ANGPT2: variants seen among roughly 807,000 people sequenced by gnomAD.
The protein encoded by ANGPT2 is angiopoietin-2.
A neutral mutation model predicts 62.9 loss-of-function variants in ANGPT2; 28 were observed. The ratio of observed to expected loss-of-function variants is 0.44; its 90% CI spans 0.33 to 0.61. The LOEUF (loss-of-function observed/expected upper bound fraction) is 0.61. ANGPT2 is among the 20% of genes least tolerant of loss of function. The pLI, the probability that ANGPT2 is intolerant of heterozygous loss-of-function variation, is 0.03. For missense variants in ANGPT2, 727 were observed against 594.9 expected (o/e 1.22, Z -2.31); for synonymous variants, 284 against 207.8 (o/e 1.37, Z -3.15).
intron 7 of ANGPT2, among the ~76,000 whole-genome samples, chr8:6,512,461 A>G (rs952253468): frequency 6.6e-6 from 1 of 152,124 alleles, no homozygotes; most frequent in Admixed American, 6.5e-5. Flanking sequence ...GTTGACCTTC[A>G]TTTGCTAATT....
rs144460738 is a variant in ANGPT2, at chr8:6,542,070, G to C, written c.289-9583C>G. 4.6e-3 allele frequency among the ~76,000 whole-genome samples: 695 copies of C among 151,484 alleles called. 6 individuals are homozygous for C. Among genetic ancestry groups the C allele is most frequent in the South Asian group, 0.027 (129 of 4,774 alleles). ...TACAAATAGAAGCAGTTAAAATTTAGCTCTAGGAATGAGATTGATGCATTT... is the reference window on the plus strand; with the variant it reads ...TACAAATAGAAGCAGTTAAAATTTACCTCTAGGAATGAGATTGATGCATTT... On this transcript the variant is annotated intron_variant, in intron 1 of 8. Coordinates refer to ENST00000629816, the MANE Select transcript of ANGPT2 (RefSeq NM_001118887.2).
In ANGPT2 at chr8:6,500,079, C is replaced by G. The variant is rs1187893598; in HGVS notation, c.*3022G>C. On this transcript the variant is annotated 3_prime_UTR_variant, in exon 9 of 9. Transcript: ENST00000629816. ...ATTCACAGAACTTAACACCTTTTAT[C>G]AATTTATTCGCGAGAACAAATGTGA... 1 of 701,508 alleles carries G rather than the reference C, an allele frequency of 1.4e-6. No homozygotes were observed. The highest frequency in any genetic ancestry group is 1.8e-5 in the African/African-American group (1 of 56,732). The allele number at this position is 701,508 out of a possible 1,614,324, so 43.5% of individuals were successfully genotyped here.
chr8:6,523,558 G>A (rs1444423800), intron 3 of ANGPT2, among the ~76,000 whole-genome samples: 1 of 152,092 alleles, frequency 6.6e-6, no homozygotes, highest in African/African-American at 2.4e-5. Context: ...TCAAAGACAT[G>A]CACAGTCAAG....
chr8:6,513,105 A>G (rs1294395244), intron 7 of ANGPT2, among the ~76,000 whole-genome samples: 2 of 152,232 alleles, frequency 1.3e-5, no homozygotes, highest in African/African-American at 4.8e-5. Context: ...ATGAAAGCCA[A>G]TTATCTACCA....
At chr8:6,505,179 T>TATATAGA (rs972963684) in intron 8 of ANGPT2, among the ~76,000 whole-genome samples, 6 of 122,646 alleles carry the variant, frequency 4.9e-5, no homozygotes, top group African/African-American at 1.7e-4. Context: ...CCAAAGAATA[T>TATATAGA]ATATATATAT....
chr8:6,562,093 A>G (rs959496877), intron 1 of ANGPT2, among the ~76,000 whole-genome samples: 1 of 152,210 alleles, frequency 6.6e-6, no homozygotes, highest in African/African-American at 2.4e-5. Flanking sequence ...GAGAAACATA[A>G]GGTCTGCTTT....
rs771768842 is a variant in ANGPT2, at chr8:6,500,307, A to G, written c.*2794T>C. 25 of 187,096 alleles carry G rather than the reference A, an allele frequency of 1.3e-4. No homozygotes were observed. Among genetic ancestry groups the G allele is most frequent in the Non-Finnish European group, 2.3e-4 (20 of 88,856 alleles). 11.6% of individuals were successfully genotyped at this position (187,096 alleles called of 1,614,324 possible). On this transcript the variant is annotated 3_prime_UTR_variant, in exon 9 of 9. Coordinates refer to ENST00000629816, the MANE Select transcript of ANGPT2 (RefSeq NM_001118887.2). ...GATTATGGCTTGCTGGTGCTGTGAT[A>G]ACAGTATTTATATTTTTATGGCTTT...
chr8:6,550,434 C>G (rs1202416214), intron 1 of ANGPT2, among the ~76,000 whole-genome samples: 1 of 152,222 alleles, frequency 6.6e-6, no homozygotes, highest in Non-Finnish European at 1.5e-5. Flanking sequence ...GCCCTGGCAC[C>G]AAGCCAACCA....
chr8:6,514,751 CT>C lies in ANGPT2; in HGVS notation c.954del (p.Gly319AlafsTer44). 2 of 1,614,074 alleles carry C rather than the reference CT, an allele frequency of 1.2e-6. No homozygotes were observed. The highest frequency in any genetic ancestry group is 8.5e-7 in the Non-Finnish European group (1 of 1,180,010). On this transcript the variant is annotated frameshift_variant, in exon 6 of 9. Transcript: ENST00000629816. LOFTEE classifies it high-confidence loss of function. The stretch of plus-strand genomic sequence containing the variant: ...CGTCGCTGAATAATTGTCCACCCGC[CT>C]CCTCCAGCTTCCATGTCACAGTAGG... ...IKAYCDMEAGGGGWTIIQRRE... is the reference protein window; with the variant it reads ...IKAYCDMEAGXGGWTIIQRRE...
intron 8 of ANGPT2, 149 bp downstream of exon 8, chr8:6,508,783 A>C: frequency 1.4e-5 from 16 of 1,159,816 alleles, no homozygotes; most frequent in Non-Finnish European, 2.0e-5. Context: ...AAAAGTGAAA[A>C]ACACATTTAC....
chr8:6,525,351 A>G (rs3020225), intron 3 of ANGPT2, among the ~76,000 whole-genome samples: 43,948 of 152,056 alleles, frequency 0.29, 7,102 homozygotes, highest in East Asian at 0.7. Context: ...TGCCTCAGCC[A>G]TCCAAATAGG....
intron 2 of ANGPT2, among the ~76,000 whole-genome samples, chr8:6,529,769 C>T (rs1442344168): frequency 4.6e-5 from 7 of 151,740 alleles, no homozygotes; most frequent in African/African-American, 1.7e-4. Context: ...TCAGCTGGCT[C>T]AGCCATTTTC....
At chr8:6,540,286 G>A (rs887020687) in intron 1 of ANGPT2, among the ~76,000 whole-genome samples, 6 of 152,186 alleles carry the variant, frequency 3.9e-5, no homozygotes, top group Non-Finnish European at 4.4e-5. Flanking sequence ...ATAAGGAAAT[G>A]TGCTTTTCCC....
At chr8:6,553,812 A>G (rs1304107786) in intron 1 of ANGPT2, among the ~76,000 whole-genome samples, 1 of 152,076 alleles carries the variant, frequency 6.6e-6, no homozygotes, top group Non-Finnish European at 1.5e-5. Context: ...GACGGTCCTT[A>G]TAAAGTCCCA....
At position 6,499,931 on chromosome 8, in the gene ANGPT2, T is replaced by C. The variant is rs575037500; in HGVS notation, c.*3170A>G. The C allele has an allele frequency of 3.1e-6, 5 of 1,612,962 alleles. No homozygotes were observed. In the Admixed American group the frequency reaches 8.3e-5, roughly 27 times the overall value. ...TCTCACCACTTCCCTGCAGCTCCCGTAAGTCAGATGTTGTTTTACGATGGT... is the reference window on the plus strand; with the variant it reads ...TCTCACCACTTCCCTGCAGCTCCCGCAAGTCAGATGTTGTTTTACGATGGT... On this transcript the variant is annotated 3_prime_UTR_variant, in exon 9 of 9. Coordinates refer to ENST00000629816, the MANE Select transcript of ANGPT2 (RefSeq NM_001118887.2).
At chr8:6,558,517 C>T (rs1019961717) in intron 1 of ANGPT2, among the ~76,000 whole-genome samples, 4 of 152,146 alleles carry the variant, frequency 2.6e-5, no homozygotes, top group Non-Finnish European at 2.9e-5. Context: ...GACCATTATC[C>T]TTCTCAAGTT....
At chr8:6,505,434 A>G (rs1464323693) in intron 8 of ANGPT2, among the ~76,000 whole-genome samples, 1 of 78,876 alleles carries the variant, frequency 1.3e-5, no homozygotes, top group Non-Finnish European at 2.7e-5. Flanking sequence ...AAGAATATAT[A>G]TATTCTTTAT....
chr8:6,512,348 C>A (rs1276808920), intron 7 of ANGPT2, among the ~76,000 whole-genome samples: 1 of 152,176 alleles, frequency 6.6e-6, no homozygotes, highest in South Asian at 2.1e-4. Flanking sequence ...CATTGTGTCT[C>A]CTTTCAGACT....
At position 6,505,477 on chromosome 8, in the gene ANGPT2, AT is replaced by A. The variant is rs1444055034; in HGVS notation, c.1328-2217del. Reference sequence around the variant, plus strand: ...TAGAATATATATATTCTTTACATATATAGAATATATATATTCTTTATATATG... The same window carrying A: ...TAGAATATATATATTCTTTACATATAAGAATATATATATTCTTTATATATG... On this transcript the variant is annotated intron_variant, in intron 8 of 8. Transcript: ENST00000629816. Among the ~76,000 whole-genome samples, 98 of 73,308 alleles carry A rather than the reference AT, an allele frequency of 1.3e-3. 3 individuals carry two copies. The highest frequency in any genetic ancestry group is 4.8e-3 in the African/African-American group (92 of 19,062). The allele number at this position is 73,308 out of a possible 152,430, so 48.1% of individuals were successfully genotyped here. A position where few individuals can be genotyped will look rare whatever the true frequency, so the allele number is the denominator to read the frequency against.
Sources: allele counts gnomAD v4.1 joint callset (sites outside exome capture counted in the v4.1 genomes callset), GRCh38; gene constraint gnomAD v4.1.1; transcripts MANE v1.5; gene names NCBI Gene and HGNC (gene_info 2026-07-23, HGNC 2026-07-21).